The following PTPRO variants were observed in gnomAD, a reference collection of about 807,000 sequenced individuals.
The protein encoded by PTPRO is protein tyrosine phosphatase receptor type O, also known as receptor-type tyrosine-protein phosphatase O.
PTPRO carries 62 observed loss-of-function variants against 145.2 expected under a neutral mutation model. The observed-to-expected ratio is 0.43, with a 90% CI of 0.35 to 0.53. PTPRO has a LOEUF of 0.53. PTPRO is among the 20% of genes least tolerant of loss of function. The probability of loss-of-function intolerance (pLI) is 0.01; values close to 1 mark genes in which losing one functional copy is unlikely to be tolerated. For synonymous variants in PTPRO, 565 were observed against 514.7 expected, an observed-to-expected ratio of 1.10 and a Z score of -1.32; for missense variants, 1,345 against 1,482.7, an observed-to-expected ratio of 0.91 and a Z score of 1.53.
intron 23 of PTPRO, among the ~76,000 whole-genome samples, chr12:15,582,080 G>A (rs1944333034): frequency 6.6e-6 from 1 of 152,248 alleles, no homozygotes; most frequent in Non-Finnish European, 1.5e-5. Context: ...ATAAAGGGAT[G>A]GGTCTGGCTA....
chr12:15,366,236 T>A (rs1938356361), intron 1 of PTPRO, among the ~76,000 whole-genome samples: 1 of 152,184 alleles, frequency 6.6e-6, no homozygotes, highest in African/African-American at 2.4e-5. Flanking sequence ...GTAGAAATAC[T>A]TTCGGTTGCT....
At chr12:15,443,636 A>C (rs1455652097) in intron 1 of PTPRO, among the ~76,000 whole-genome samples, 1 of 152,210 alleles carries the variant, frequency 6.6e-6, no homozygotes, top group Admixed American at 6.5e-5. Context: ...CATGAAACTT[A>C]AACAATTGAA....
At chr12:15,444,386 G>A (rs1175435421) in intron 1 of PTPRO, among the ~76,000 whole-genome samples, 1 of 151,978 alleles carries the variant, frequency 6.6e-6, no homozygotes, top group Admixed American at 6.6e-5. Context: ...GTTGGCTACT[G>A]TGATTAATAC....
chr12:15,411,140 A>C (rs1939787415), intron 1 of PTPRO, among the ~76,000 whole-genome samples: 1 of 152,188 alleles, frequency 6.6e-6, no homozygotes, highest in Non-Finnish European at 1.5e-5. Context: ...TAACTGAAAA[A>C]ATTAAGAGAA....
intron 1 of PTPRO, among the ~76,000 whole-genome samples, chr12:15,445,490 G>A (rs12828295): frequency 0.21 from 31,482 of 151,944 alleles, 3,938 homozygotes; most frequent in South Asian, 0.33. Context: ...AAAATGAAAG[G>A]AGTGAAGTTC....
chr12:15,444,771 G>A (rs541828943), intron 1 of PTPRO, among the ~76,000 whole-genome samples: 23 of 152,046 alleles, frequency 1.5e-4, no homozygotes, highest in African/African-American at 3.1e-4. Context: ...ATAGTGCCTT[G>A]ATCTTTGACT....
intron 1 of PTPRO, among the ~76,000 whole-genome samples, chr12:15,384,529 A>C (rs933938042): frequency 6.6e-6 from 1 of 152,160 alleles, no homozygotes; most frequent in Admixed American, 6.5e-5. Flanking sequence ...CATGGCAGAG[A>C]TAGAGACTTC....
Position 15,503,959 on chromosome 12 carries a change from C to A in PTPRO, c.1157C>A (p.Ala386Glu). Residue 386 changes from alanine to glutamate, a missense_variant, in exon 6 of 27, where the codon GCA (alanine) becomes GAA (glutamate). Transcript: ENST00000281171. ...MVDEEAHEFV[A>E]ELKEPGKYKL... ...GATGAAGAAGCACATGAATTTGTTG[C>A]AGAACTGAAGGAACCTGGGAAATAT... The A allele has an allele frequency of 6.3e-7, 1 of 1,595,722 alleles. No homozygotes were observed. Among genetic ancestry groups the A allele is most frequent in the Non-Finnish European group, 8.6e-7 (1 of 1,163,588 alleles).
At chr12:15,502,109 A>T in intron 5 of PTPRO, 46 bp downstream of exon 5, 1 of 1,531,082 alleles carries the variant, frequency 6.5e-7, no homozygotes, top group Middle Eastern at 1.7e-4. Context: ...ATACAAAGGA[A>T]GGGGAATTGA....
intron 1 of PTPRO, among the ~76,000 whole-genome samples, chr12:15,392,163 T>C (rs1309416225): frequency 6.6e-6 from 1 of 152,182 alleles, no homozygotes; most frequent in Non-Finnish European, 1.5e-5. Context: ...TAAGAAACCA[T>C]ACAAATATAT....
chr12:15,390,528 G>A (rs546325408), intron 1 of PTPRO, among the ~76,000 whole-genome samples: 2 of 152,040 alleles, frequency 1.3e-5, no homozygotes, highest in South Asian at 4.2e-4. Flanking sequence ...CTCCCAGTGG[G>A]TCCCTCCCAC....
At chr12:15,560,160 A>T (rs375234800) in intron 16 of PTPRO, 33 bp from the exon 17 acceptor site, 11 of 1,490,480 alleles carry the variant, frequency 7.4e-6, no homozygotes, top group Non-Finnish European at 1.0e-5. Context: ...CAACTTTTTC[A>T]TCTTTCCATC....
At chr12:15,507,450 T>C (rs145446134) in intron 6 of PTPRO, among the ~76,000 whole-genome samples, 2,229 of 148,262 alleles carry the variant, frequency 0.015, 27 homozygotes, top group Non-Finnish European at 0.022. Flanking sequence ...AATAAATAAA[T>C]AAGGAATGAA....
intron 9 of PTPRO, among the ~76,000 whole-genome samples, chr12:15,518,997 T>C (rs1463356034): frequency 1.3e-5 from 2 of 152,106 alleles, no homozygotes; most frequent in Non-Finnish European, 2.9e-5. Context: ...AGCACTCCAC[T>C]CTCGGTACCA....
chr12:15,485,386 A>G (rs371525992), intron 2 of PTPRO, among the ~76,000 whole-genome samples: 80 of 152,280 alleles, frequency 5.3e-4, no homozygotes, highest in African/African-American at 1.9e-3. Flanking sequence ...CTCTAGAAAA[A>G]GATGAATTGC....
chr12:15,417,313 C>G (rs1417397514), intron 1 of PTPRO, among the ~76,000 whole-genome samples: 1 of 151,684 alleles, frequency 6.6e-6, no homozygotes, highest in Non-Finnish European at 1.5e-5. Context: ...AGTCAGGAAC[C>G]GTCTGTATAA....
intron 25 of PTPRO, 28 bp from the exon 26 acceptor site, chr12:15,594,909 T>G: frequency 2.0e-6 from 3 of 1,534,056 alleles, no homozygotes; most frequent in Non-Finnish European, 1.8e-6. Context: ...ATGTCTGCTC[T>G]GAAACCTGTT....
chr12:15,385,543 G>C (rs770605826), intron 1 of PTPRO, among the ~76,000 whole-genome samples: 9 of 152,154 alleles, frequency 5.9e-5, no homozygotes, highest in African/African-American at 2.2e-4. Flanking sequence ...AGCCGGGCAT[G>C]TTGGCTCACA....
At chr12:15,430,251 C>G (rs1266604662) in intron 1 of PTPRO, among the ~76,000 whole-genome samples, 1 of 151,742 alleles carries the variant, frequency 6.6e-6, no homozygotes, top group Non-Finnish European at 1.5e-5. Flanking sequence ...GAATCTGGGA[C>G]TTGAATCTAA....
Sources: allele counts gnomAD v4.1 joint callset (sites outside exome capture counted in the v4.1 genomes callset), GRCh38; gene constraint gnomAD v4.1.1; transcripts MANE v1.5; gene names NCBI Gene and HGNC (gene_info 2026-07-23, HGNC 2026-07-21).